The following SHF variants were observed in gnomAD, a reference collection of about 807,000 sequenced individuals.
SHF encodes the protein Src homology 2 domain containing F, also known as SH2 domain-containing adapter protein F.
Under a neutral mutation model 42.4 loss-of-function variants are expected in SHF, and 30 were observed. That is an observed-to-expected ratio of 0.71 (90% confidence interval 0.53 to 0.96). The LOEUF (loss-of-function observed/expected upper bound fraction) is 0.96, where lower values mean the gene tolerates loss of function less well. Among genes scored for constraint, SHF ranks in the 40% least tolerant of loss-of-function variants. The pLI, the probability that SHF is intolerant of heterozygous loss-of-function variation, is 0.00. For synonymous variants in SHF, 264 were observed against 269.9 expected, an observed-to-expected ratio of 0.98 and a Z score of 0.21; for missense variants, 598 against 634.0, an observed-to-expected ratio of 0.94 and a Z score of 0.61.
chr15:45,187,303 G>A, intron 1 of SHF, 151 bp downstream of exon 1: 1 of 686,496 alleles, frequency 1.5e-6, no homozygotes, highest in Non-Finnish European at 2.0e-6. Flanking sequence ...ACAAAGGTGG[G>A]TGAAGGCTCG....
At chr15:45,168,272 T>G in intron 6 of SHF, 139 bp from the exon 7 acceptor site, 1 of 817,902 alleles carries the variant, frequency 1.2e-6, no homozygotes, top group East Asian at 2.7e-5. Flanking sequence ...TTAGGGGAGG[T>G]GGAGGTCAGT....
At chr15:45,177,315 T>C (rs1319311638) in intron 2 of SHF, among the ~76,000 whole-genome samples, 1 of 152,166 alleles carries the variant, frequency 6.6e-6, no homozygotes, top group African/African-American at 2.4e-5. Context: ...TGCCCAAGCC[T>C]GATTGGGCAA....
At chr15:45,170,703 G>A in intron 6 of SHF, 1 of 281,710 alleles carries the variant, frequency 3.5e-6, no homozygotes, top group Non-Finnish European at 6.8e-6. Context: ...CTGGGCTGGA[G>A]TGCAATGGCG....
At chr15:45,193,538 A>G (rs1310071916) in intron 2 of SHF, among the ~76,000 whole-genome samples, 2 of 152,238 alleles carry the variant, frequency 1.3e-5, no homozygotes, top group African/African-American at 2.4e-5. Context: ...AGAGGAAACA[A>G]TAGGGCAGAG....
Position 45,175,370 on chromosome 15 carries a change from G to C in SHF, c.696C>G (p.Pro232=). The part of the protein sequence containing the change: ...ATQPLPLYDT[P]YEPEEDGATA... Reference sequence around the variant, plus strand: ...TGGCCCCATCCTCCTCTGGCTCATAGGGTGTGTCATACAGAGGCAAGGGCT... The same window carrying C: ...TGGCCCCATCCTCCTCTGGCTCATACGGTGTGTCATACAGAGGCAAGGGCT... Residue 232 remains proline (P), a synonymous_variant, in exon 3 of 7, where the codon CCC becomes CCG. Coordinates refer to ENST00000690270, the MANE Select transcript of SHF (RefSeq NM_001394037.1). The C allele has an allele frequency of 1.3e-6, 2 of 1,597,844 alleles. No individual in the cohort carries two copies. Among genetic ancestry groups the C allele is most frequent in the Non-Finnish European group, 1.7e-6 (2 of 1,172,190 alleles).
chr15:45,172,487 T>A (rs1352862623), intron 4 of SHF, among the ~76,000 whole-genome samples, 169 bp from the exon 5 acceptor site: 1 of 152,150 alleles, frequency 6.6e-6, no homozygotes, highest in African/African-American at 2.4e-5. Context: ...GGGGACGTAA[T>A]CCTGGATCTA....
intron 1 of SHF, among the ~76,000 whole-genome samples, chr15:45,181,627 C>T: frequency 6.6e-6 from 1 of 152,194 alleles, no homozygotes; most frequent in Non-Finnish European, 1.5e-5. Flanking sequence ...AACAGGCGTC[C>T]TCTCCAGACT....
chr15:45,198,685 CG>C (rs1180080913), intron 2 of SHF: 12 of 1,502,800 alleles, frequency 8.0e-6, no homozygotes, highest in Non-Finnish European at 9.8e-6. Flanking sequence ...GGCGAGCTAC[CG>C]GGGACCCGTA....
chr15:45,180,546 C>A (rs910212907), intron 1 of SHF, among the ~76,000 whole-genome samples: 3 of 152,252 alleles, frequency 2.0e-5, no homozygotes, highest in African/African-American at 7.2e-5. Context: ...AAAGCTTCCA[C>A]TTTCCTCTTT....
At chr15:45,193,991 A>G (rs1391848018) in intron 2 of SHF, among the ~76,000 whole-genome samples, 1 of 150,366 alleles carries the variant, frequency 6.7e-6, no homozygotes, top group Non-Finnish European at 1.5e-5. Flanking sequence ...AGTCACAGCC[A>G]CTCAGGAGGC....
In SHF at chr15:45,167,703, C is replaced by T. The variant is rs1202273428; in HGVS notation, c.*244G>A. The T allele has an allele frequency of 2.9e-6, 1 of 350,746 alleles. No individual in the cohort carries two copies. The highest frequency in any genetic ancestry group is 5.1e-6 in the Non-Finnish European group (1 of 197,406). 21.7% of individuals were successfully genotyped at this position (350,746 alleles called of 1,614,324 possible). A position where few individuals can be genotyped will look rare whatever the true frequency, so the allele number is the denominator to read the frequency against. ...CCTACCATCCCAGTAGCTCTGGAAC[C>T]CCCTTCCTCCAGGGGCTATCCTTTC... On this transcript the variant is annotated 3_prime_UTR_variant, in exon 7 of 7. Transcript: ENST00000690270.
In SHF at chr15:45,187,851, C is replaced by A; in HGVS notation, c.101G>T (p.Gly34Val). 9.4e-7 allele frequency: 1 copy of A among 1,066,864 alleles called. No individual in the cohort carries two copies. Among genetic ancestry groups the A allele is most frequent in the Non-Finnish European group, 1.2e-6 (1 of 850,506 alleles). The allele number at this position is 1,066,864 out of a possible 1,614,324, so 66.1% of individuals were successfully genotyped here. The change falls in exon 1 of 7, where the codon GGT becomes GTT. Residue 34 changes from glycine (G) to valine (V), a missense_variant. Physicochemically the swap from Gly to Val is moderately radical, Grantham distance 109. Transcript: ENST00000690270. Reference protein sequence around the residue: ...GPGGSRRGAGGAGAGPGGGGS... With the variant: ...GPGGSRRGAGVAGAGPGGGGS... ...GCCCCCTCCTGGGCCGGCTCCCGCA[C>A]CCCCGGCGCCCCGGCGGGACCCCCC...
At chr15:45,195,302 T>G (rs1228201649) in intron 2 of SHF, among the ~76,000 whole-genome samples, 2 of 152,220 alleles carry the variant, frequency 1.3e-5, no homozygotes, top group East Asian at 3.8e-4. Context: ...GGTGAGATTC[T>G]CAAAAGTAGA....
chr15:45,187,900 G>A lies in SHF; in HGVS notation c.52C>T (p.Gln18Ter). The stretch of plus-strand genomic sequence containing the variant: ...CCCGGGCCGCCCCCAGCGCTCCCCT[G>A]CGTTCGCGGCCCCGGGCGGGAGCCA... ...PAGSRPGPRTQGSAGGGPGGS... is the reference protein window; with the variant it reads ...PAGSRPGPRT The change falls in exon 1 of 7, where the codon CAG becomes TAG. Residue 18 changes from glutamine (Q) to a stop codon, truncating the protein, a stop_gained. Coordinates refer to ENST00000690270, the MANE Select transcript of SHF (RefSeq NM_001394037.1). LOFTEE classifies it high-confidence loss of function. 3 of 1,187,108 alleles carry A rather than the reference G, an allele frequency of 2.5e-6. No individual in the cohort carries two copies. Among genetic ancestry groups the A allele is most frequent in the Non-Finnish European group, 3.1e-6 (3 of 958,806 alleles). 73.5% of individuals were successfully genotyped at this position (1,187,108 alleles called of 1,614,324 possible). A position where few individuals can be genotyped will look rare whatever the true frequency, so the allele number is the denominator to read the frequency against.
chr15:45,180,940 A>G (rs1451671230), intron 1 of SHF, among the ~76,000 whole-genome samples: 2 of 152,160 alleles, frequency 1.3e-5, no homozygotes, highest in Non-Finnish European at 2.9e-5. Context: ...ATTGGGTGGG[A>G]TCATATGAGG....
intron 2 of SHF, chr15:45,198,664 T>C (rs1567043476): frequency 4.9e-6 from 7 of 1,433,178 alleles, no homozygotes; most frequent in South Asian, 2.7e-5. Context: ...TACTAACCAC[T>C]ATACGATCAC....
chr15:45,175,374 G>A lies in SHF; in HGVS notation c.692C>T (p.Thr231Ile), dbSNP rs1361715292. The A allele has an allele frequency of 1.3e-6, 2 of 1,597,112 alleles. No homozygotes were observed. The change falls in exon 3 of 7, where the codon ACA (threonine) becomes ATA (isoleucine). Residue 231 changes from threonine (T) to isoleucine (I), a missense_variant. Physicochemically the swap from Thr to Ile is moderately conservative, Grantham distance 89. Transcript: ENST00000690270. Reference sequence around the variant, plus strand: ...CCCATCCTCCTCTGGCTCATAGGGTGTGTCATACAGAGGCAAGGGCTGAGT... The same window carrying A: ...CCCATCCTCCTCTGGCTCATAGGGTATGTCATACAGAGGCAAGGGCTGAGT... ...TATQPLPLYDTPYEPEEDGAT... is the reference protein window; with the variant it reads ...TATQPLPLYDIPYEPEEDGAT...
At chr15:45,177,327 T>A (rs1353900645) in intron 2 of SHF, among the ~76,000 whole-genome samples, 1 of 152,138 alleles carries the variant, frequency 6.6e-6, no homozygotes, top group Non-Finnish European at 1.5e-5. Flanking sequence ...ATTGGGCAAG[T>A]TTAATTCTGT....
chr15:45,193,063 C>T (rs140551095), intron 2 of SHF, among the ~76,000 whole-genome samples: 2,667 of 152,280 alleles, frequency 0.018, 49 homozygotes, highest in Non-Finnish European at 0.024. Context: ...ATTCTGAGAA[C>T]TTTTAGCTAT....
Sources: gnomAD v4.1 joint callset for allele counts (sites outside exome capture counted in the v4.1 genomes callset) on GRCh38, gnomAD v4.1.1 for gene constraint, MANE v1.5 for transcripts, NCBI Gene and HGNC (gene_info 2026-07-23, HGNC 2026-07-21) for gene names.